The following FBXO16 variants were observed in gnomAD, a reference collection of about 807,000 sequenced individuals.
The protein encoded by FBXO16 is F-box only protein 16.
Under a neutral mutation model 41.0 loss-of-function variants are expected in FBXO16, and 31 were observed. The observed-to-expected ratio is 0.76, with a 90% CI of 0.57 to 1.02. FBXO16 has a LOEUF of 1.02. Ranked by LOEUF, FBXO16 falls within the 50% of genes least tolerant of loss-of-function variation. The pLI, the probability that FBXO16 is intolerant of heterozygous loss-of-function variation, is 0.00. For synonymous variants in FBXO16, 133 were observed against 117.8 expected, an observed-to-expected ratio of 1.13 and a Z score of -0.84; for missense variants, 361 against 346.2, an observed-to-expected ratio of 1.04 and a Z score of -0.34.
At chr8:28,465,436 A>G (rs1280940643) in intron 3 of FBXO16, 1 of 449,634 alleles carries the variant, frequency 2.2e-6, no homozygotes, top group Non-Finnish European at 4.5e-6. Context: ...CAGCCCGAGC[A>G]ACACCCCATC....
intron 4 of FBXO16, among the ~76,000 whole-genome samples, chr8:28,461,673 T>C (rs1295974663): frequency 6.6e-6 from 1 of 152,204 alleles, no homozygotes; most frequent in Non-Finnish European, 1.5e-5. Flanking sequence ...TATGGCGTTC[T>C]GTTCCATGAA....
intron 6 of FBXO16, among the ~76,000 whole-genome samples, chr8:28,448,075 C>T (rs1373285394): frequency 6.6e-6 from 1 of 152,166 alleles, no homozygotes; most frequent in African/African-American, 2.4e-5. Context: ...CACGGTGACT[C>T]ATGCCCGTAA....
intron 3 of FBXO16, among the ~76,000 whole-genome samples, chr8:28,466,774 C>T (rs1383956556): frequency 2.6e-5 from 4 of 152,052 alleles, no homozygotes; most frequent in Non-Finnish European, 4.4e-5. Flanking sequence ...GTTGGCTTGA[C>T]GGGAGTTGTG....
intron 5 of FBXO16, among the ~76,000 whole-genome samples, chr8:28,454,940 A>G (rs187385380): frequency 6.7e-6 from 1 of 149,376 alleles, no homozygotes; most frequent in Non-Finnish European, 1.5e-5. Context: ...GATATATTGA[A>G]GTGATCATAT....
intron 1 of FBXO16, among the ~76,000 whole-genome samples, chr8:28,487,851 CTT>C (rs543323414): frequency 7.0e-5 from 10 of 143,360 alleles, no homozygotes; most frequent in Admixed American, 7.0e-5. Flanking sequence ...ATCTTTTTTT[CTT>C]TTTTTTTTTT....
intron 1 of FBXO16, 34 bp from the exon 2 acceptor site, chr8:28,483,496 G>A: frequency 1.3e-6 from 2 of 1,504,724 alleles, no homozygotes; most frequent in Non-Finnish European, 9.2e-7. Flanking sequence ...ATCAGAAGAA[G>A]TGAATCATAT....
intron 3 of FBXO16, among the ~76,000 whole-genome samples, chr8:28,469,370 G>A (rs1243490183): frequency 6.6e-6 from 1 of 152,098 alleles, no homozygotes; most frequent in Non-Finnish European, 1.5e-5. Flanking sequence ...GCCCAGGCTG[G>A]AGTGCAGTGG....
chr8:28,463,352 TTGTGTATATG>T (rs1005899454), intron 4 of FBXO16, among the ~76,000 whole-genome samples: 6 of 150,634 alleles, frequency 4.0e-5, no homozygotes, highest in East Asian at 2.0e-4. Context: ...ATATTTGTGT[TTGTGTATATG>T]TGTGTATATG....
At chr8:28,437,079 T>TG (rs1802697630) in intron 7 of FBXO16, among the ~76,000 whole-genome samples, 1 of 152,148 alleles carries the variant, frequency 6.6e-6, no homozygotes, top group Non-Finnish European at 1.5e-5. Flanking sequence ...TAAACCCCAA[T>TG]GGTAACAGTG....
At chr8:28,466,436 T>A (rs986948943) in intron 3 of FBXO16, among the ~76,000 whole-genome samples, 7 of 151,914 alleles carry the variant, frequency 4.6e-5, no homozygotes, top group Admixed American at 4.6e-4. Context: ...GATTCATGTG[T>A]GAGTGTTCCC....
At chr8:28,466,370 G>T (rs1803239690) in intron 3 of FBXO16, among the ~76,000 whole-genome samples, 1 of 152,068 alleles carries the variant, frequency 6.6e-6, no homozygotes, top group South Asian at 2.1e-4. Context: ...GGGAGGAGGA[G>T]GACCCTAAAA....
chr8:28,460,423 A>ATTTTTTTTTTTTTT lies in FBXO16; in HGVS notation c.342+3175_342+3188dup, dbSNP rs1174276709. On this transcript the variant is annotated intron_variant, in intron 4 of 8. Coordinates refer to ENST00000380254, the MANE Select transcript of FBXO16 (RefSeq NM_172366.4). ...TAGGCACATGCGCTATACCTGGCTA[A>ATTTTTTTTTTTTTT]TTTTTTTTTTTTTTTTTTTTTTGAG... Among the ~76,000 whole-genome samples, 123 of 82,498 alleles carry ATTTTTTTTTTTTTT rather than the reference A, an allele frequency of 1.5e-3. 24 individuals are homozygous for ATTTTTTTTTTTTTT. Among genetic ancestry groups the ATTTTTTTTTTTTTT allele is most frequent in the African/African-American group, 7.0e-3 (111 of 15,906 alleles). The allele number at this position is 82,498 out of a possible 152,430, so 54.1% of individuals were successfully genotyped here.
chr8:28,430,942 G>C (rs375468851), intron 7 of FBXO16, among the ~76,000 whole-genome samples: 2 of 152,136 alleles, frequency 1.3e-5, no homozygotes, highest in South Asian at 2.1e-4. Context: ...TTGCACTCCA[G>C]CCTGGGCAAC....
chr8:28,454,001 G>A (rs1231508973), intron 5 of FBXO16, among the ~76,000 whole-genome samples: 5 of 151,660 alleles, frequency 3.3e-5, no homozygotes, highest in Admixed American at 6.6e-5. Context: ...CCGTCTCTAC[G>A]GAAAATACAA....
chr8:28,446,589 T>G (rs532426439), intron 7 of FBXO16, among the ~76,000 whole-genome samples: 1 of 151,184 alleles, frequency 6.6e-6, no homozygotes. Flanking sequence ...ATACTCCCCT[T>G]GGCCAGGCGC....
chr8:28,431,239 G>A (rs936281992), intron 7 of FBXO16, among the ~76,000 whole-genome samples: 2 of 152,066 alleles, frequency 1.3e-5, no homozygotes, highest in African/African-American at 4.8e-5. Context: ...TCTCCTCTTG[G>A]TAGCTGTCAC....
rs10708776 is a variant in FBXO16 at position 28,456,199 on chromosome 8, G to GA, written c.507+566dup. 4.6e-5 allele frequency among the ~76,000 whole-genome samples: 7 copies of GA among 150,672 alleles called. No homozygotes were observed. In the East Asian group the frequency reaches 7.8e-4, roughly 17 times the overall value. ...GGTTAGAATGCCTAAGAAGCCACTAGAAAAAAAAAATTCTTGCATTATTTA... is the reference window on the plus strand; with the variant it reads ...GGTTAGAATGCCTAAGAAGCCACTAGAAAAAAAAAAATTCTTGCATTATTTA... On this transcript the variant is annotated intron_variant, in intron 5 of 8. Coordinates refer to ENST00000380254, the MANE Select transcript of FBXO16 (RefSeq NM_172366.4).
chr8:28,463,898 A>G (rs771587791), intron 3 of FBXO16, 80 bp from the exon 4 acceptor site: 24 of 1,299,746 alleles, frequency 1.8e-5, no homozygotes, highest in Non-Finnish European at 2.5e-5. Context: ...AAGACATGAC[A>G]ATGGCATAGA....
At chr8:28,468,229 T>G (rs572796323) in intron 3 of FBXO16, among the ~76,000 whole-genome samples, 1 of 152,214 alleles carries the variant, frequency 6.6e-6, no homozygotes, top group Non-Finnish European at 1.5e-5. Flanking sequence ...TACGGTACCT[T>G]GCTTCCCAAT....
Sources: allele counts gnomAD v4.1 joint callset (sites outside exome capture counted in the v4.1 genomes callset), GRCh38; gene constraint gnomAD v4.1.1; transcripts MANE v1.5; gene names NCBI Gene and HGNC (gene_info 2026-07-23, HGNC 2026-07-21).